Variants in TNIK observed in about 807,000 individuals in gnomAD.
TNIK encodes the protein TRAF2 and NCK interacting kinase, also known as TRAF2 and NCK-interacting protein kinase.
Under a neutral mutation model 191.3 loss-of-function variants are expected in TNIK, and 49 were observed. The observed-to-expected ratio is 0.26, with a 90% CI of 0.20 to 0.32. The LOEUF is 0.32. Ranked by LOEUF, TNIK falls within the 10% of genes least tolerant of loss-of-function variation. The pLI, the probability that TNIK is intolerant of heterozygous loss-of-function variation, is 1.00. For missense variants in TNIK, 1,155 were observed against 1,702.3 expected, an observed-to-expected ratio of 0.68 and a Z score of 5.66; for synonymous variants, 594 against 600.9, an observed-to-expected ratio of 0.99 and a Z score of 0.17.
At chr3:171,282,295 C>T (rs904898357) in intron 2 of TNIK, among the ~76,000 whole-genome samples, 3 of 150,398 alleles carry the variant, frequency 2.0e-5, no homozygotes, top group African/African-American at 7.3e-5. Flanking sequence ...TTTTAACCAA[C>T]ATTTCTGCCA....
intron 2 of TNIK, among the ~76,000 whole-genome samples, chr3:171,263,408 G>A (rs376621191): frequency 2.1e-4 from 32 of 152,242 alleles, no homozygotes; most frequent in African/African-American, 3.6e-4. Context: ...GAAATAAGAC[G>A]TTTACACTGA....
intron 7 of TNIK, among the ~76,000 whole-genome samples, 182 bp from the exon 8 acceptor site, chr3:171,177,562 T>C (rs1244370293): frequency 5.3e-5 from 8 of 152,242 alleles, no homozygotes; most frequent in Non-Finnish European, 1.2e-4. Flanking sequence ...CCACTCATGG[T>C]GTCTGGCACA....
At chr3:171,230,983 G>T (rs1743553445) in intron 2 of TNIK, among the ~76,000 whole-genome samples, 1 of 152,194 alleles carries the variant, frequency 6.6e-6, no homozygotes, top group Admixed American at 6.5e-5. Context: ...TCCTGAGGGA[G>T]TCCCTGAGGC....
intron 2 of TNIK, among the ~76,000 whole-genome samples, chr3:171,300,540 G>GA (rs368275165): frequency 4.0e-4 from 61 of 150,950 alleles, no homozygotes; most frequent in Admixed American, 9.9e-4. Flanking sequence ...AATTGTGAGT[G>GA]AAAAAAAAAT....
intron 21 of TNIK, among the ~76,000 whole-genome samples, chr3:171,104,077 G>GTT (rs1724179729): frequency 1.3e-5 from 2 of 151,678 alleles, no homozygotes; most frequent in Admixed American, 1.3e-4. Context: ...TAAACTTAAA[G>GTT]GAAATTTTCA....
chr3:171,344,164 T>C (rs748638741), intron 2 of TNIK, among the ~76,000 whole-genome samples: 5 of 152,196 alleles, frequency 3.3e-5, no homozygotes, highest in Non-Finnish European at 5.9e-5. Flanking sequence ...CATTTCTCTT[T>C]ATATGATTGC....
Position 171,175,341 on chromosome 3 carries a change from C to CCAAAA in TNIK, c.695-16_695-12dup. ...GCATGTCACAGAGAGCTGCAAGAGA[C>CCAAAA]CAAAACAAGGGCCAGCTACAGTTAG... On this transcript the variant is annotated splice_polypyrimidine_tract_variant and intron_variant, in intron 8 of 32. Coordinates refer to ENST00000436636, the MANE Select transcript of TNIK (RefSeq NM_015028.4). The CCAAAA allele has an allele frequency of 6.2e-7, 1 of 1,603,710 alleles. No homozygotes were observed. The highest frequency in any genetic ancestry group is 8.5e-7 in the Non-Finnish European group (1 of 1,175,742).
intron 1 of TNIK, among the ~76,000 whole-genome samples, chr3:171,418,854 G>T (rs1288489917): frequency 6.6e-6 from 1 of 152,184 alleles, no homozygotes; most frequent in Non-Finnish European, 1.5e-5. Flanking sequence ...CACAGACTGG[G>T]TGGCTTAAAC....
At chr3:171,433,546 G>A (rs1005959821) in intron 1 of TNIK, among the ~76,000 whole-genome samples, 3 of 151,898 alleles carry the variant, frequency 2.0e-5, no homozygotes, top group South Asian at 2.1e-4. Flanking sequence ...ACTTTTATGC[G>A]GCAAATATTG....
chr3:171,083,631 GTTCTT>G (rs1356220310), intron 26 of TNIK, among the ~76,000 whole-genome samples: 3 of 152,084 alleles, frequency 2.0e-5, no homozygotes, highest in African/African-American at 4.8e-5. Context: ...ATTATTTGTT[GTTCTT>G]TTCAAGTTTT....
chr3:171,445,888 A>T (rs1727433781), intron 1 of TNIK, among the ~76,000 whole-genome samples: 1 of 152,226 alleles, frequency 6.6e-6, no homozygotes, highest in Non-Finnish European at 1.5e-5. Context: ...TTTCATCTGA[A>T]GCCAGGGCAT....
intron 16 of TNIK, among the ~76,000 whole-genome samples, chr3:171,126,682 C>T (rs1224131511): frequency 6.6e-6 from 1 of 152,312 alleles, no homozygotes; most frequent in Non-Finnish European, 1.5e-5. Flanking sequence ...ACAGATAACA[C>T]CTGCTGGAGC....
At chr3:171,334,941 G>A (rs1167991651) in intron 2 of TNIK, among the ~76,000 whole-genome samples, 3 of 145,640 alleles carry the variant, frequency 2.1e-5, no homozygotes, top group African/African-American at 5.1e-5. Context: ...TTCTACTAGC[G>A]CTTACAACAG....
chr3:171,100,016 T>G (rs1723246386), intron 22 of TNIK, among the ~76,000 whole-genome samples: 1 of 152,210 alleles, frequency 6.6e-6, no homozygotes, highest in South Asian at 2.1e-4. Flanking sequence ...TACGAACTTA[T>G]CAGATCTCTT....
At chr3:171,243,207 C>G (rs766907291) in intron 2 of TNIK, among the ~76,000 whole-genome samples, 5 of 152,046 alleles carry the variant, frequency 3.3e-5, no homozygotes, top group Non-Finnish European at 5.9e-5. Context: ...GTTGTCTAAC[C>G]TTGACAACTC....
In TNIK at chr3:171,417,462, C is replaced by T. The variant is rs898340001; in HGVS notation, c.57+42545G>A. Among the ~76,000 whole-genome samples the T allele has an allele frequency of 2.0e-5, 3 of 152,124 alleles. No individual in the cohort carries two copies. In the East Asian group the frequency reaches 5.8e-4, roughly 29 times the overall value. On this transcript the variant is annotated intron_variant, in intron 1 of 32. Coordinates refer to ENST00000436636, the MANE Select transcript of TNIK (RefSeq NM_015028.4). ...CTTCACTAACCCTCTTCAATGAGAA[C>T]TTTTATAGTTACTTATTTCTTTAGA...
intron 20 of TNIK, 108 bp downstream of exon 20, chr3:171,107,957 T>A: frequency 9.0e-7 from 1 of 1,105,844 alleles, no homozygotes; most frequent in Non-Finnish European, 1.3e-6. Context: ...CCGTTCTTAC[T>A]AATCTCAACA....
chr3:171,239,034 C>G (rs1441830846), intron 2 of TNIK, among the ~76,000 whole-genome samples: 1 of 152,148 alleles, frequency 6.6e-6, no homozygotes, highest in Non-Finnish European at 1.5e-5. Flanking sequence ...ATTATTAGGA[C>G]TAAATGGAAT....
At chr3:171,393,158 A>G (rs1719787621) in intron 1 of TNIK, among the ~76,000 whole-genome samples, 1 of 152,196 alleles carries the variant, frequency 6.6e-6, no homozygotes, top group African/African-American at 2.4e-5. Flanking sequence ...GAATGCAAAG[A>G]ATCTATCTAA....
Sources: allele counts gnomAD v4.1 joint callset (sites outside exome capture counted in the v4.1 genomes callset), GRCh38; gene constraint gnomAD v4.1.1; transcripts MANE v1.5; gene names NCBI Gene and HGNC (gene_info 2026-07-23, HGNC 2026-07-21).